The following AGL variants were observed in gnomAD, a reference collection of about 807,000 sequenced individuals.
The protein encoded by AGL is glycogen debranching enzyme.
AGL carries 128 observed loss-of-function variants against 199.3 expected under a neutral mutation model. That is an observed-to-expected ratio of 0.64 (90% CI 0.56 to 0.74). AGL has a LOEUF of 0.74. AGL is among the 30% of genes least tolerant of loss of function. AGL has a pLI of 0.00. For missense variants in AGL, 1,809 were observed against 1,820.8 expected, an observed-to-expected ratio of 0.99 and a Z score of 0.12; for synonymous variants, 584 against 594.7, an observed-to-expected ratio of 0.98 and a Z score of 0.26.
chr1:99,892,050 T>G (rs561138360), intron 23 of AGL, among the ~76,000 whole-genome samples: 1 of 152,282 alleles, frequency 6.6e-6, no homozygotes, highest in African/African-American at 2.4e-5. Flanking sequence ...GTACAATTTT[T>G]CTAATTTTTC....
chr1:99,869,840 G>A (rs1650834694), intron 5 of AGL, among the ~76,000 whole-genome samples: 1 of 152,054 alleles, frequency 6.6e-6, no homozygotes, highest in Non-Finnish European at 1.5e-5. Context: ...TTTTTAAATA[G>A]GTAGATATAA....
At position 99,916,662 on chromosome 1, in the gene AGL, C is replaced by G; in HGVS notation, c.4412C>G (p.Pro1471Arg). Reference sequence around the variant, plus strand: ...TTATATTTTTCCAGATTGATGGGCCCGGAGACTACTGCAAAGACTATAGTT... The same window carrying G: ...TTATATTTTTCCAGATTGATGGGCCGGGAGACTACTGCAAAGACTATAGTT... ...AKLYFSRLMG[P>R]ETTAKTIVLV... The change falls in exon 33 of 34, where the codon CCG becomes CGG. Residue 1471 changes from proline to arginine, a missense_variant. Coordinates refer to ENST00000361915, the MANE Select transcript of AGL (RefSeq NM_000642.3). 6.2e-7 allele frequency: 1 copy of G among 1,612,792 alleles called. No homozygotes were observed. Among genetic ancestry groups the G allele is most frequent in the Non-Finnish European group, 8.5e-7 (1 of 1,179,272 alleles).
chr1:99,891,514 A>T (rs1000894614), intron 22 of AGL, 92 bp from the exon 23 acceptor site: 24 of 1,532,498 alleles, frequency 1.6e-5, no homozygotes, highest in Non-Finnish European at 2.2e-5. Flanking sequence ...TTTATAGATT[A>T]CTAGATAAAG....
At chr1:99,892,726 C>T in intron 24 of AGL, 119 bp downstream of exon 24, 1 of 972,312 alleles carries the variant, frequency 1.0e-6, no homozygotes. Context: ...TATTTTACCA[C>T]TTAGTACATT....
At chr1:99,906,508 A>G (rs1338518905) in intron 27 of AGL, among the ~76,000 whole-genome samples, 1 of 152,076 alleles carries the variant, frequency 6.6e-6, no homozygotes, top group Non-Finnish European at 1.5e-5. Context: ...CAAACTCTAT[A>G]CTCGTGAAAC....
intron 11 of AGL, among the ~76,000 whole-genome samples, chr1:99,876,892 T>C (rs898904232): frequency 2.6e-5 from 4 of 152,216 alleles, no homozygotes. Flanking sequence ...GGACAAAATA[T>C]TATTGCATTT....
rs655435 is a variant in AGL at position 99,889,106 on chromosome 1, A to G, written c.2812+998A>G. The stretch of plus-strand genomic sequence containing the variant: ...GCTTACTTTTCCCCTGCAAAATGGT[A>G]CCTACCACAGGGATTATGGTTAGGA... On this transcript the variant is annotated intron_variant, in intron 21 of 33. Transcript: ENST00000361915. Among the ~76,000 whole-genome samples, 982 of 152,242 alleles carry G rather than the reference A, an allele frequency of 6.5e-3. 14 individuals carry two copies. Among genetic ancestry groups the G allele is most frequent in the African/African-American group, 0.023 (948 of 41,530 alleles).
intron 5 of AGL, among the ~76,000 whole-genome samples, chr1:99,868,735 T>C (rs555888108): frequency 6.6e-6 from 1 of 152,118 alleles, no homozygotes; most frequent in East Asian, 1.9e-4. Context: ...TGAGCTATGA[T>C]TGCACCACTG....
At chr1:99,875,115 C>T in intron 8 of AGL, 39 bp from the exon 9 acceptor site, 2 of 1,536,414 alleles carry the variant, frequency 1.3e-6, no homozygotes, top group South Asian at 1.1e-5. Context: ...ATCTGTAAAG[C>T]CATTAAATAT....
intron 25 of AGL, among the ~76,000 whole-genome samples, chr1:99,897,306 G>C (rs915840837): frequency 1.3e-5 from 2 of 152,198 alleles, no homozygotes; most frequent in African/African-American, 2.4e-5. Flanking sequence ...TGGACATAGA[G>C]AGAGTAGGGT....
intron 27 of AGL, among the ~76,000 whole-genome samples, chr1:99,905,202 G>C (rs534890274): frequency 1.5e-4 from 23 of 152,008 alleles, no homozygotes; most frequent in Non-Finnish European, 2.8e-4. Flanking sequence ...TGTGTGTGGT[G>C]GGGGGGTGGG....
At chr1:99,867,804 G>A (rs974943337) in intron 5 of AGL, among the ~76,000 whole-genome samples, 6 of 152,188 alleles carry the variant, frequency 3.9e-5, no homozygotes, top group African/African-American at 7.2e-5. Context: ...CTCCCAAAGC[G>A]TGAGCCACCG....
upstream of AGL, among the ~76,000 whole-genome samples, chr1:99,849,478 A>T (rs1648737653): frequency 6.6e-6 from 1 of 152,112 alleles, no homozygotes; most frequent in Admixed American, 6.5e-5. Context: ...GCCTAACATA[A>T]GTGCAGCTTA....
chr1:99,912,358 T>C lies in AGL; in HGVS notation c.3837-47T>C, dbSNP rs764731942. ...TTACCGAATGCCCTTTAAATAGTAC[T>C]TAAAGGACGCCAACTTAAAGAATAA... On this transcript the variant is annotated intron_variant, in intron 28 of 33. Transcript: ENST00000361915. 1.3e-5 allele frequency: 19 copies of C among 1,478,630 alleles called. 1 individual carries two copies. The South Asian group carries it at 1.7e-4, about 13-fold the overall frequency. 91.6% of individuals were successfully genotyped at this position (1,478,630 alleles called of 1,614,324 possible). A position where few individuals can be genotyped will look rare whatever the true frequency, so the allele number is the denominator to read the frequency against.
rs1037923713 is a variant in AGL, at chr1:99,881,069, C to T, written c.1900-7C>T. 6.8e-6 allele frequency: 11 copies of T among 1,611,400 alleles called. No individual in the cohort carries two copies. The highest frequency in any genetic ancestry group is 2.7e-5 in the African/African-American group (2 of 74,838). ...CAAACTTTTGCTTTGTTGTTGTTGT[C>T]TTCTAGCATAGATCAGCGTATGATG... On this transcript the variant is annotated splice_region_variant and splice_polypyrimidine_tract_variant and intron_variant, in intron 14 of 33. Transcript: ENST00000361915.
At chr1:99,903,688 C>A (rs1654029085) in intron 27 of AGL, among the ~76,000 whole-genome samples, 1 of 152,146 alleles carries the variant, frequency 6.6e-6, no homozygotes, top group Non-Finnish European at 1.5e-5. Context: ...ATTTCTAGTT[C>A]TAGATCCCTG....
Position 99,902,616 on chromosome 1 carries a change from CG to C in AGL, c.3589-65del. ...TATATTTTCACATTACTTCAGTTGT[CG>C]GATTTGGGGGAAAATAAGAAAAATG... On this transcript the variant is annotated intron_variant, in intron 26 of 33. Transcript: ENST00000361915. 4 of 1,257,914 alleles carry C rather than the reference CG, an allele frequency of 3.2e-6. No individual in the cohort carries two copies. The South Asian group carries it at 4.8e-5, about 15-fold the overall frequency. 77.9% of individuals were successfully genotyped at this position (1,257,914 alleles called of 1,614,324 possible). A position where few individuals can be genotyped will look rare whatever the true frequency, so the allele number is the denominator to read the frequency against.
chr1:99,901,683 CT>C (rs1244176081), intron 26 of AGL, among the ~76,000 whole-genome samples: 1 of 148,270 alleles, frequency 6.7e-6, no homozygotes, highest in Non-Finnish European at 1.5e-5. Flanking sequence ...TTTTTTTTCC[CT>C]AATCAAGAAT....
intron 2 of AGL, among the ~76,000 whole-genome samples, chr1:99,852,205 C>A (rs1649010046): frequency 6.6e-6 from 1 of 152,078 alleles, no homozygotes; most frequent in African/African-American, 2.4e-5. Flanking sequence ...GTGCTAATGA[C>A]TACTTTTGGA....
Sources: allele counts gnomAD v4.1 joint callset (sites outside exome capture counted in the v4.1 genomes callset), GRCh38; gene constraint gnomAD v4.1.1; transcripts MANE v1.5; gene names NCBI Gene and HGNC (gene_info 2026-07-23, HGNC 2026-07-21).